CCDC138: variants seen among roughly 807,000 people sequenced by gnomAD.
CCDC138 encodes coiled-coil domain-containing protein 138.
In CCDC138, 66 loss-of-function variants were observed where a neutral mutation model predicts 82.3. The ratio of observed to expected loss-of-function variants is 0.80; its 90% confidence interval spans 0.66 to 0.98. The LOEUF (loss-of-function observed/expected upper bound fraction) is 0.98. Among genes scored for constraint, CCDC138 ranks in the 50% least tolerant of loss-of-function variants. The pLI is 0.00. For synonymous variants in CCDC138, 297 were observed against 265.4 expected (o/e 1.12, Z -1.16); for missense variants, 816 against 758.9 (o/e 1.08, Z -0.88).
At chr2:108,821,700 T>G (rs1685730752) in intron 10 of CCDC138, among the ~76,000 whole-genome samples, 1 of 151,848 alleles carries the variant, frequency 6.6e-6, no homozygotes, top group South Asian at 2.1e-4. Context: ...ATCCCAGTAC[T>G]TTGGGAGGCT....
At chr2:108,877,467 AAAAAAT>A (rs1259215218), downstream of CCDC138, among the ~76,000 whole-genome samples, 2 of 152,170 alleles carry the variant, frequency 1.3e-5, no homozygotes, top group African/African-American at 4.8e-5. Context: ...TTCTGTCTCA[AAAAAAT>A]AAAAATAAAT....
chr2:108,827,866 T>C (rs1686901973), intron 10 of CCDC138, among the ~76,000 whole-genome samples: 3 of 151,774 alleles, frequency 2.0e-5, no homozygotes. Flanking sequence ...TACATACTTT[T>C]GGATCACTGT....
rs141699629 is a variant in CCDC138 at position 108,856,138 on chromosome 2, G to T, written c.1517-656G>T. ...CTTAAATTAGTGCTTCCCAATCCTG[G>T]CCTTGCAGGTTTCTCAGTCATCTGT... is the stretch of plus-strand genomic sequence containing the variant. On this transcript the variant is annotated intron_variant, in intron 12 of 14. Coordinates refer to ENST00000295124, the MANE Select transcript of CCDC138 (RefSeq NM_144978.3). 7.9e-5 allele frequency among the ~76,000 whole-genome samples: 12 copies of T among 152,184 alleles called. No homozygotes were observed. In the East Asian group the frequency reaches 2.3e-3, roughly 29 times the overall value.
intron 4 of CCDC138, among the ~76,000 whole-genome samples, chr2:108,793,221 C>T (rs932875863): frequency 6.6e-6 from 1 of 151,606 alleles, no homozygotes. Flanking sequence ...AAAAATTAGC[C>T]GGGCTTGGTG....
chr2:108,849,458 C>T (rs756305195), intron 12 of CCDC138, among the ~76,000 whole-genome samples: 57 of 152,208 alleles, frequency 3.7e-4, no homozygotes, highest in Middle Eastern at 3.4e-3. Context: ...CACTGGATTT[C>T]AGGAATACTG....
intron 10 of CCDC138, among the ~76,000 whole-genome samples, chr2:108,820,344 G>A (rs2150026412): frequency 6.6e-6 from 1 of 152,314 alleles, no homozygotes; most frequent in South Asian, 2.1e-4. Flanking sequence ...AGATCATCAA[G>A]TGAACCACTA....
intron 10 of CCDC138, among the ~76,000 whole-genome samples, chr2:108,837,592 G>A (rs889592988): frequency 6.6e-6 from 1 of 152,206 alleles, no homozygotes. Context: ...TATTGTAGCA[G>A]AACACATTAC....
chr2:108,860,845 T>A (rs1447869862), intron 13 of CCDC138, among the ~76,000 whole-genome samples: 1 of 151,762 alleles, frequency 6.6e-6, no homozygotes, highest in Non-Finnish European at 1.5e-5. Flanking sequence ...TCCCTCCTCC[T>A]CGATATTTTG....
chr2:108,819,028 T>G (rs1316880804), intron 10 of CCDC138, among the ~76,000 whole-genome samples: 1 of 152,206 alleles, frequency 6.6e-6, no homozygotes, highest in Non-Finnish European at 1.5e-5. Flanking sequence ...AGGTGGAAGG[T>G]ACTATGTGTT....
intron 6 of CCDC138, among the ~76,000 whole-genome samples, chr2:108,801,098 G>A: frequency 2.5e-5 from 1 of 39,984 alleles, no homozygotes; most frequent in African/African-American, 7.9e-5. Context: ...ACGTGTGCAT[G>A]TGTCTTTATA....
rs763105841 is a variant in CCDC138 at position 108,812,849 on chromosome 2, A to T, written c.963A>T (p.Arg321Ser). ...QRKYEFMTIQ[R>S]LKGSSHAVHE... ...AGTACGAGTTTATGACAATACAGAG[A>T]TTGAAAGGAAGTTCCCATGCTGTTC... is the stretch of plus-strand genomic sequence containing the variant. The change falls in exon 9 of 15, where the codon AGA (arginine) becomes AGT (serine). Residue 321 changes from arginine to serine, a missense_variant. Coordinates refer to ENST00000295124, the MANE Select transcript of CCDC138 (RefSeq NM_144978.3). 1.4e-5 allele frequency: 22 copies of T among 1,613,356 alleles called. No homozygotes were observed. The highest frequency in any genetic ancestry group is 1.6e-4 in the Middle Eastern group (1 of 6,080).
intron 13 of CCDC138, among the ~76,000 whole-genome samples, chr2:108,871,370 T>TAAAAA (rs59725353): frequency 3.9e-5 from 3 of 76,668 alleles, no homozygotes; most frequent in Admixed American, 3.4e-4. Flanking sequence ...CCAACTCTAT[T>TAAAAA]AAAAAAAAAA....
At chr2:108,807,369 G>T (rs1181750908) in intron 7 of CCDC138, among the ~76,000 whole-genome samples, 4 of 152,002 alleles carry the variant, frequency 2.6e-5, no homozygotes, top group Non-Finnish European at 4.4e-5. Flanking sequence ...CCATTGAATG[G>T]GGTTTTAAAA....
chr2:108,822,546 C>T (rs986320054), intron 10 of CCDC138, among the ~76,000 whole-genome samples: 4 of 152,188 alleles, frequency 2.6e-5, no homozygotes, highest in East Asian at 1.9e-4. Context: ...AGATAAACTA[C>T]GTGTTTGGCC....
At chr2:108,880,693 G>A (rs1240251278), downstream of CCDC138, among the ~76,000 whole-genome samples, 1 of 152,050 alleles carries the variant, frequency 6.6e-6, no homozygotes, top group African/African-American at 2.4e-5. Context: ...CAGCACATCT[G>A]TTTACAGCAT....
intron 10 of CCDC138, among the ~76,000 whole-genome samples, chr2:108,834,409 T>G (rs1271943933): frequency 6.6e-6 from 1 of 151,782 alleles, no homozygotes; most frequent in African/African-American, 2.4e-5. Context: ...AGATGGGGGT[T>G]TCACCATGTT....
At chr2:108,808,007 G>C (rs1344121077) in intron 7 of CCDC138, among the ~76,000 whole-genome samples, 1 of 152,100 alleles carries the variant, frequency 6.6e-6, no homozygotes, top group Non-Finnish European at 1.5e-5. Context: ...ATTATATTCT[G>C]TACTTCTGTG....
chr2:108,848,664 A>T (rs984861340), intron 12 of CCDC138, among the ~76,000 whole-genome samples: 1 of 152,212 alleles, frequency 6.6e-6, no homozygotes, highest in Non-Finnish European at 1.5e-5. Flanking sequence ...ATGTGGAAAA[A>T]TTTGCAACAA....
intron 10 of CCDC138, among the ~76,000 whole-genome samples, chr2:108,835,773 A>T (rs918803082): frequency 6.6e-6 from 1 of 152,188 alleles, no homozygotes; most frequent in African/African-American, 2.4e-5. Context: ...CTCAGTACCA[A>T]TTGTCTCTGT....
Sources: allele counts gnomAD v4.1 joint callset (sites outside exome capture counted in the v4.1 genomes callset), GRCh38; gene constraint gnomAD v4.1.1; transcripts MANE v1.5; gene names NCBI Gene and HGNC (gene_info 2026-07-23, HGNC 2026-07-21).